Variants in OPTN observed in about 807,000 individuals in gnomAD.
The protein encoded by OPTN is E3-14.7K-interacting protein.
OPTN carries 54 observed loss-of-function variants against 70.4 expected under a neutral mutation model. That is an observed-to-expected ratio of 0.77 (90% CI 0.62 to 0.96). The LOEUF is 0.96. OPTN is among the 40% of genes least tolerant of loss of function. OPTN has a pLI of 0.00. For missense variants in OPTN, 624 were observed against 673.2 expected, an observed-to-expected ratio of 0.93 and a Z score of 0.81; for synonymous variants, 256 against 248.5, an observed-to-expected ratio of 1.03 and a Z score of -0.28.
At position 13,109,198 on chromosome 10, in the gene OPTN, C is replaced by G. The variant is rs200710076; in HGVS notation, c.76C>G (p.His26Asp). The change falls in exon 3 of 15, where the codon CAC becomes GAC. Residue 26 changes from histidine to aspartate, a missense_variant. Physicochemically the swap from His to Asp is moderately conservative, Grantham distance 81. Coordinates refer to ENST00000378747, the MANE Select transcript of OPTN (RefSeq NM_001008212.2). The stretch of plus-strand genomic sequence containing the variant: ...TGAAAGCACAGGAAATGGACCCCCC[C>G]ACCTGGCCCACCCAAACCTGGACAC... ...PSESTGNGPP[H>D]LAHPNLDTFT... 25 of 1,613,994 alleles carry G rather than the reference C, an allele frequency of 1.5e-5. No homozygotes were observed. The highest frequency in any genetic ancestry group is 1.3e-4 in the East Asian group (6 of 44,848).
intron 3 of OPTN, 162 bp downstream of exon 3, chr10:13,109,450 C>A: frequency 1.5e-6 from 1 of 658,262 alleles, no homozygotes; most frequent in East Asian, 2.7e-5. Flanking sequence ...TAAATCTGTT[C>A]TGATTTTTAC....
At chr10:13,128,385 A>T (rs1380466785) in intron 12 of OPTN, among the ~76,000 whole-genome samples, 1 of 151,470 alleles carries the variant, frequency 6.6e-6, no homozygotes, top group East Asian at 2.0e-4. Flanking sequence ...TCTGGAGGGT[A>T]TATAGTGGTA....
In OPTN at chr10:13,100,230, G is replaced by T; in HGVS notation, c.-236G>T. The T allele has an allele frequency of 6.5e-6, 1 of 154,132 alleles. No homozygotes were observed. Among genetic ancestry groups the T allele is most frequent in the South Asian group, 1.9e-4 (1 of 5,376 alleles). The allele number at this position is 154,132 out of a possible 1,614,324, so 9.5% of individuals were successfully genotyped here. ...GGTTCCCTGGTCAGCGTCCCATCCCGGTCGGGAGTTCTCTCCAGGCGGCAC... is the reference window on the plus strand; with the variant it reads ...GGTTCCCTGGTCAGCGTCCCATCCCTGTCGGGAGTTCTCTCCAGGCGGCAC... On this transcript the variant is annotated 5_prime_UTR_variant, in exon 1 of 15. Coordinates refer to ENST00000378747, the MANE Select transcript of OPTN (RefSeq NM_001008212.2).
chr10:13,130,550 A>C (rs1046247814), intron 12 of OPTN, among the ~76,000 whole-genome samples: 2 of 152,192 alleles, frequency 1.3e-5, no homozygotes, highest in African/African-American at 4.8e-5. Flanking sequence ...AGTGAGACTA[A>C]ATCGAATTTA....
chr10:13,129,606 T>G (rs1421455418), intron 12 of OPTN, among the ~76,000 whole-genome samples: 2 of 152,102 alleles, frequency 1.3e-5, no homozygotes, highest in Admixed American at 6.6e-5. Flanking sequence ...CCAGCTGGGA[T>G]TACGGGCGTG....
intron 1 of OPTN, among the ~76,000 whole-genome samples, chr10:13,107,756 C>T (rs1270804260): frequency 6.6e-6 from 1 of 152,128 alleles, no homozygotes; most frequent in South Asian, 2.1e-4. Context: ...GGACTTTGGC[C>T]ATTCTTGACC....
Position 13,137,678 on chromosome 10 carries a change from A to G in OPTN, c.*812A>G, listed in dbSNP as rs1195011367. 1.7e-5 allele frequency: 4 copies of G among 231,432 alleles called. No homozygotes were observed. Among genetic ancestry groups the G allele is most frequent in the Admixed American group, 5.6e-5 (1 of 17,750 alleles). 14.3% of individuals were successfully genotyped at this position (231,432 alleles called of 1,614,324 possible). ...GGTTATGTGTGTATGTTGTAGTTTT[A>G]TTGCAGCCACAATAATTTTACCAAA... On this transcript the variant is annotated 3_prime_UTR_variant, in exon 15 of 15. Transcript: ENST00000378747.
intron 1 of OPTN, among the ~76,000 whole-genome samples, chr10:13,107,087 T>C (rs1832881400): frequency 6.6e-6 from 1 of 152,226 alleles, no homozygotes; most frequent in African/African-American, 2.4e-5. Context: ...TAAATTATTT[T>C]CTAAGGTCCA....
At chr10:13,116,514 G>A (rs1833213020) in intron 6 of OPTN, 174 bp downstream of exon 6, 1 of 675,052 alleles carries the variant, frequency 1.5e-6, no homozygotes, top group Admixed American at 2.1e-5. Context: ...AGCTCAAACT[G>A]GCAAAGATTA....
chr10:13,119,088 C>T lies in OPTN; in HGVS notation c.779+48C>T, dbSNP rs748066555. The T allele has an allele frequency of 2.6e-6, 4 of 1,534,184 alleles. No homozygotes were observed. The East Asian group carries it at 6.8e-5, about 26-fold the overall frequency. Reference sequence around the variant, plus strand: ...ATATGTGTTTTTTTAAAACAGCTTTCCTGAGATATAATTAAGATACCATAC... The same window carrying T: ...ATATGTGTTTTTTTAAAACAGCTTTTCTGAGATATAATTAAGATACCATAC... On this transcript the variant is annotated intron_variant, in intron 7 of 14. Coordinates refer to ENST00000378747, the MANE Select transcript of OPTN (RefSeq NM_001008212.2).
At chr10:13,114,968 TA>T (rs1196501087) in intron 5 of OPTN, among the ~76,000 whole-genome samples, 1,794 of 13,162 alleles carry the variant, frequency 0.14, 249 homozygotes, top group South Asian at 0.23. Context: ...TATATTTATA[TA>T]TATTTATATA....
rs368955103 is a variant in OPTN at position 13,125,598 on chromosome 10, G to C, written c.1148+31G>C. ...TATGTTGAGTCAGAAGGGCAGCGAC[G>C]GGGCAGAGGAGGGAGAATCGCCTTT... On this transcript the variant is annotated intron_variant, in intron 10 of 14. Coordinates refer to ENST00000378747, the MANE Select transcript of OPTN (RefSeq NM_001008212.2). 1.7e-5 allele frequency: 27 copies of C among 1,613,206 alleles called. No homozygotes were observed. In the Admixed American group the frequency reaches 4.3e-4, roughly 26 times the overall value.
At chr10:13,132,806 ATTTAT>A (rs1198302533) in intron 13 of OPTN, among the ~76,000 whole-genome samples, 1 of 152,214 alleles carries the variant, frequency 6.6e-6, no homozygotes, top group African/African-American at 2.4e-5. Context: ...ACTTTTAGAA[ATTTAT>A]TTTGAGAAAG....
chr10:13,118,701 T>G (rs1294255583), intron 6 of OPTN, among the ~76,000 whole-genome samples, 187 bp from the exon 7 acceptor site: 1 of 152,182 alleles, frequency 6.6e-6, no homozygotes, highest in Non-Finnish European at 1.5e-5. Flanking sequence ...ACACCTTCCC[T>G]AGGAAGCATG....
chr10:13,122,559 C>A (rs981111514), intron 8 of OPTN, 72 bp downstream of exon 8: 33 of 958,504 alleles, frequency 3.4e-5, no homozygotes, highest in Non-Finnish European at 5.3e-5. Context: ...GAATTCAAAT[C>A]TTGTGATGGG....
At chr10:13,121,153 A>T (rs1425185569) in intron 7 of OPTN, among the ~76,000 whole-genome samples, 1 of 152,154 alleles carries the variant, frequency 6.6e-6, no homozygotes, top group Non-Finnish European at 1.5e-5. Context: ...AAGCCTAACC[A>T]TATGAGGAAG....
rs1439039707 is a variant in OPTN at position 13,137,294 on chromosome 10, AAAAAGGAAGGAAGG to A, written c.*430_*443del. 5 of 321,782 alleles carry A rather than the reference AAAAAGGAAGGAAGG, an allele frequency of 1.6e-5. No homozygotes were observed. In the East Asian group the frequency reaches 2.5e-4, roughly 16 times the overall value. 19.9% of individuals were successfully genotyped at this position (321,782 alleles called of 1,614,324 possible). A position where few individuals can be genotyped will look rare whatever the true frequency, so the allele number is the denominator to read the frequency against. ...ACTCTGTCTCGAAAGAAAGAAAGAAAAAAAGGAAGGAAGGAGAAGGAAGGAAGGAGAAGAAAAGG... is the reference window on the plus strand; with the variant it reads ...ACTCTGTCTCGAAAGAAAGAAAGAAAAGAAGGAAGGAAGGAGAAGAAAAGG... On this transcript the variant is annotated 3_prime_UTR_variant, in exon 15 of 15. Coordinates refer to ENST00000378747, the MANE Select transcript of OPTN (RefSeq NM_001008212.2).
Position 13,108,623 on chromosome 10 carries a change from T to A in OPTN, c.-12+334T>A, listed in dbSNP as rs182795530. ...GTGCAGTGGCGCGATCTTGGCTCACTGCAAGCTCTGCCTCCCGGGTTCACG... is the reference window on the plus strand; with the variant it reads ...GTGCAGTGGCGCGATCTTGGCTCACAGCAAGCTCTGCCTCCCGGGTTCACG... On this transcript the variant is annotated intron_variant, in intron 2 of 14. Coordinates refer to ENST00000378747, the MANE Select transcript of OPTN (RefSeq NM_001008212.2). 2.0e-3 allele frequency among the ~76,000 whole-genome samples: 310 copies of A among 151,728 alleles called. 2 individuals are homozygous for A. Among genetic ancestry groups the A allele is most frequent in the African/African-American group, 6.9e-3 (284 of 41,332 alleles).
chr10:13,124,295 G>T (rs1229759372), intron 9 of OPTN, among the ~76,000 whole-genome samples, 185 bp downstream of exon 9: 2 of 152,180 alleles, frequency 1.3e-5, no homozygotes, highest in Non-Finnish European at 1.5e-5. Flanking sequence ...CTTGTAAGAT[G>T]GGGGGTTGGG....
Sources: gnomAD v4.1 joint callset for allele counts (sites outside exome capture counted in the v4.1 genomes callset) on GRCh38, gnomAD v4.1.1 for gene constraint, MANE v1.5 for transcripts, NCBI Gene and HGNC (gene_info 2026-07-23, HGNC 2026-07-21) for gene names.